The following GRM7 variants were observed in gnomAD, a reference collection of about 807,000 sequenced individuals.
GRM7 encodes the protein metabotropic glutamate receptor 7.
In GRM7, 35 loss-of-function variants were observed where a neutral mutation model predicts 84.5. The observed-to-expected ratio is 0.41, with a 90% CI of 0.32 to 0.55. GRM7 has a LOEUF of 0.55. GRM7 is among the 20% of genes least tolerant of loss of function. The probability of loss-of-function intolerance (pLI) is 0.19; values close to 1 mark genes in which losing one functional copy is unlikely to be tolerated. For missense variants in GRM7, 1,003 were observed against 1,194.6 expected (o/e 0.84, Z 2.36); for synonymous variants, 487 against 455.1 (o/e 1.07, Z -0.89).
intron 9 of GRM7, among the ~76,000 whole-genome samples, chr3:7,722,927 A>C (rs1702002961): frequency 6.6e-6 from 1 of 152,158 alleles, no homozygotes; most frequent in Admixed American, 6.5e-5. Flanking sequence ...AAAGTGAGAC[A>C]AGCTCCAGAA....
chr3:7,635,336 AAAG>A (rs1698045412), intron 8 of GRM7, among the ~76,000 whole-genome samples: 1 of 152,232 alleles, frequency 6.6e-6, no homozygotes, highest in African/African-American at 2.4e-5. Flanking sequence ...TCCTATGACT[AAAG>A]AACACTTAGG....
At chr3:7,079,202 G>A (rs1433013909) in intron 1 of GRM7, among the ~76,000 whole-genome samples, 1 of 151,998 alleles carries the variant, frequency 6.6e-6, no homozygotes. Flanking sequence ...TTTCTAAAAG[G>A]CTGGCATTGT....
intron 4 of GRM7, among the ~76,000 whole-genome samples, chr3:7,405,331 T>G (rs1373169036): frequency 3.3e-5 from 5 of 152,154 alleles, no homozygotes; most frequent in Non-Finnish European, 7.4e-5. Context: ...GTATTATGAT[T>G]GATTATTATT....
chr3:7,072,309 G>GTAA (rs1697914381), intron 1 of GRM7, among the ~76,000 whole-genome samples: 2 of 152,084 alleles, frequency 1.3e-5, no homozygotes, highest in Admixed American at 1.3e-4. Flanking sequence ...AAATACTTTT[G>GTAA]GTAAGTCATT....
intron 2 of GRM7, among the ~76,000 whole-genome samples, chr3:7,156,176 A>C (rs1028046423): frequency 6.6e-6 from 1 of 152,168 alleles, no homozygotes; most frequent in African/African-American, 2.4e-5. Flanking sequence ...TTAGTCATGA[A>C]ACAAAAAGAT....
intron 2 of GRM7, among the ~76,000 whole-genome samples, chr3:7,165,802 A>C (rs1450105947): frequency 6.6e-6 from 1 of 152,194 alleles, no homozygotes; most frequent in Non-Finnish European, 1.5e-5. Context: ...CAGTTGTACT[A>C]TCTGGGTTTC....
chr3:7,299,565 C>T (rs941327087), intron 3 of GRM7, among the ~76,000 whole-genome samples: 3 of 152,160 alleles, frequency 2.0e-5, no homozygotes, highest in Admixed American at 6.5e-5. Flanking sequence ...CAAGTTCTCT[C>T]CAGGTACAAT....
chr3:7,511,565 A>G (rs527768412), intron 7 of GRM7, among the ~76,000 whole-genome samples: 3 of 151,612 alleles, frequency 2.0e-5, no homozygotes, highest in South Asian at 2.1e-4. Context: ...CGTTTTGCCC[A>G]AGATGGTCAT....
At chr3:7,074,722 CA>C (rs753650065) in intron 1 of GRM7, among the ~76,000 whole-genome samples, 3 of 152,114 alleles carry the variant, frequency 2.0e-5, no homozygotes, top group Non-Finnish European at 4.4e-5. Context: ...TGTTTTCCAG[CA>C]AAGAGTTTGA....
intron 5 of GRM7, among the ~76,000 whole-genome samples, chr3:7,424,215 G>A (rs1216881307): frequency 1.3e-5 from 2 of 152,020 alleles, no homozygotes; most frequent in East Asian, 1.9e-4. Context: ...GATAGAGGGC[G>A]CTCAACCGGT....
At chr3:7,194,129 G>A (rs776111431) in intron 2 of GRM7, among the ~76,000 whole-genome samples, 11 of 151,968 alleles carry the variant, frequency 7.2e-5, no homozygotes, top group Non-Finnish European at 1.6e-4. Flanking sequence ...TGTATAAAAT[G>A]CATTTTCTCT....
chr3:7,086,600 C>T (rs1698466647), intron 1 of GRM7, among the ~76,000 whole-genome samples: 1 of 152,172 alleles, frequency 6.6e-6, no homozygotes, highest in Non-Finnish European at 1.5e-5. Context: ...TGATGTTTGC[C>T]AGCCTCTAGA....
intron 8 of GRM7, among the ~76,000 whole-genome samples, chr3:7,612,016 T>C (rs1037202230): frequency 6.6e-6 from 1 of 152,166 alleles, no homozygotes. Flanking sequence ...TACCTTGAGG[T>C]CCTTTAACCT....
rs372198471 is a variant in GRM7, at chr3:7,572,524, A to C, written c.1516-5898A>C. Among the ~76,000 whole-genome samples, 8 of 152,074 alleles carry C rather than the reference A, an allele frequency of 5.3e-5. No individual in the cohort carries two copies. In the East Asian group the frequency reaches 9.7e-4, roughly 18 times the overall value. ...CCCAGGGTCTACTGCAGTTAAAAAAATTCTAATAATGCTGGCTGGGCACAG... is the reference window on the plus strand; with the variant it reads ...CCCAGGGTCTACTGCAGTTAAAAAACTTCTAATAATGCTGGCTGGGCACAG... On this transcript the variant is annotated intron_variant, in intron 7 of 9. Coordinates refer to ENST00000357716, the MANE Select transcript of GRM7 (RefSeq NM_000844.4).
chr3:7,449,234 T>C (rs1028180949), intron 5 of GRM7, among the ~76,000 whole-genome samples: 7 of 152,082 alleles, frequency 4.6e-5, no homozygotes, highest in Non-Finnish European at 1.0e-4. Flanking sequence ...ACCATACTTA[T>C]AATAGCAAAA....
intron 1 of GRM7, among the ~76,000 whole-genome samples, chr3:7,086,910 G>A (rs1182855729): frequency 2.0e-5 from 3 of 152,170 alleles, no homozygotes; most frequent in Non-Finnish European, 4.4e-5. Context: ...AGCCAATGCT[G>A]TTGTTTCTGT....
rs150482957 is a variant in GRM7 at position 7,651,968 on chromosome 3, T to C, written c.2452-28081T>C. The stretch of plus-strand genomic sequence containing the variant: ...CTTGAATATTGTCCCTGCCTTCTCC[T>C]ACCTCTTATTCCTTTGGAATTGAAC... On this transcript the variant is annotated intron_variant, in intron 8 of 9. Coordinates refer to ENST00000357716, the MANE Select transcript of GRM7 (RefSeq NM_000844.4). 4.6e-5 allele frequency among the ~76,000 whole-genome samples: 7 copies of C among 152,296 alleles called. No homozygotes were observed. In the East Asian group the frequency reaches 1.4e-3, roughly 29 times the overall value.
At position 7,393,310 on chromosome 3, in the gene GRM7, C is replaced by T. The variant is rs554952351; in HGVS notation, c.1034-21713C>T. 2.4e-4 allele frequency among the ~76,000 whole-genome samples: 36 copies of T among 152,240 alleles called. No individual in the cohort carries two copies. In the East Asian group the frequency reaches 6.8e-3, roughly 29 times the overall value. ...GCCTGCGGAATTCTGTGTGGGTTCC[C>T]TTTCTGGAGCATCATCTCTGTGTGA... On this transcript the variant is annotated intron_variant, in intron 4 of 9. Coordinates refer to ENST00000357716, the MANE Select transcript of GRM7 (RefSeq NM_000844.4).
chr3:7,664,292 C>T (rs1306714703), intron 8 of GRM7, among the ~76,000 whole-genome samples: 1 of 151,712 alleles, frequency 6.6e-6, no homozygotes, highest in Non-Finnish European at 1.5e-5. Flanking sequence ...TTGTTGTAAT[C>T]GTGGAATAAA....
Sources: allele counts gnomAD v4.1 joint callset (sites outside exome capture counted in the v4.1 genomes callset), GRCh38; gene constraint gnomAD v4.1.1; transcripts MANE v1.5; gene names NCBI Gene and HGNC (gene_info 2026-07-23, HGNC 2026-07-21).